Variants in EPHA4 observed in about 807,000 individuals in gnomAD.
The protein encoded by EPHA4 is ephrin type-A receptor 4.
EPHA4 carries 19 observed loss-of-function variants against 108.3 expected under a neutral mutation model. The ratio of observed to expected loss-of-function variants is 0.18; its 90% CI spans 0.12 to 0.26. EPHA4 has a LOEUF of 0.26. EPHA4 is among the 10% of genes least tolerant of loss of function. The pLI is 1.00. For synonymous variants in EPHA4, 449 were observed against 455.5 expected, an observed-to-expected ratio of 0.99 and a Z score of 0.18; for missense variants, 917 against 1,254.0, an observed-to-expected ratio of 0.73 and a Z score of 4.06.
At position 221,419,247 on chromosome 2, in the gene EPHA4, T is replaced by G. The variant is rs1413794495; in HGVS notation, c.*2125A>C. On this transcript the variant is annotated 3_prime_UTR_variant, in exon 18 of 18. Coordinates refer to ENST00000281821, the MANE Select transcript of EPHA4 (RefSeq NM_004438.5). ...AGCTCCGATTCTAGAAGGCTGATGC[T>G]CTTGTGAGGGCAACAGGAGTTAGCT... The G allele has an allele frequency of 6.5e-6, 1 of 152,720 alleles. No homozygotes were observed. Among genetic ancestry groups the G allele is most frequent in the East Asian group, 1.9e-4 (1 of 5,160 alleles). The allele number at this position is 152,720 out of a possible 1,614,324, so 9.5% of individuals were successfully genotyped here.
intron 12 of EPHA4, 29 bp from the exon 13 acceptor site, chr2:221,436,637 T>C (rs3213844): frequency 0.7 from 1,125,844 of 1,603,582 alleles, 401,222 homozygotes; most frequent in Non-Finnish European, 0.73. Context: ...AGGAACAATC[T>C]CATTAGCATT....
rs978657518 is a variant in EPHA4, at chr2:221,489,104, AG to A, written c.980-6415del. Among the ~76,000 whole-genome samples the A allele has an allele frequency of 2.0e-4, 31 of 152,322 alleles. 1 individual carries two copies. Among genetic ancestry groups the A allele is most frequent in the African/African-American group, 6.7e-4 (28 of 41,586 alleles). ...CAGAAATGTCTCCAGTGTGTCTATA[AG>A]TTTGGTATAAACCATTCCATGGAAA... On this transcript the variant is annotated intron_variant, in intron 4 of 17. Coordinates refer to ENST00000281821, the MANE Select transcript of EPHA4 (RefSeq NM_004438.5).
Position 221,425,903 on chromosome 2 carries a change from G to T in EPHA4, c.*125C>A. The T allele has an allele frequency of 3.0e-6, 2 of 677,938 alleles. No individual in the cohort carries two copies. The highest frequency in any genetic ancestry group is 4.9e-6 in the Non-Finnish European group (2 of 408,952). The allele number at this position is 677,938 out of a possible 1,614,324, so 42.0% of individuals were successfully genotyped here. ...TGCACCAAGCAACGCTGCAGATATT[G>T]TTTTTTTTTTTCATTTCTTTAATTT... On this transcript the variant is annotated 3_prime_UTR_variant, in exon 17 of 18. Coordinates refer to ENST00000281821, the MANE Select transcript of EPHA4 (RefSeq NM_004438.5).
chr2:221,433,194 C>T (rs1365458225), intron 14 of EPHA4, among the ~76,000 whole-genome samples: 1 of 152,144 alleles, frequency 6.6e-6, no homozygotes, highest in Non-Finnish European at 1.5e-5. Context: ...CTCTAACTGT[C>T]AAGGCTGTGC....
intron 3 of EPHA4, 45 bp from the exon 4 acceptor site, chr2:221,501,217 A>G: frequency 6.6e-7 from 1 of 1,506,388 alleles, no homozygotes; most frequent in Non-Finnish European, 8.9e-7. Flanking sequence ...ACCACTGCAA[A>G]TAGACCAAAG....
intron 4 of EPHA4, among the ~76,000 whole-genome samples, chr2:221,483,709 A>G (rs1379413171): frequency 1.3e-5 from 2 of 152,136 alleles, no homozygotes; most frequent in Non-Finnish European, 2.9e-5. Context: ...CATGTTGGCC[A>G]GGCCAGTCTT....
chr2:221,432,088 G>A (rs910165458), intron 14 of EPHA4, among the ~76,000 whole-genome samples: 5 of 150,770 alleles, frequency 3.3e-5, no homozygotes, highest in African/African-American at 1.2e-4. Flanking sequence ...CCAGAGAACT[G>A]AAAGTTCAAA....
At chr2:221,475,305 C>T (rs1574594291) in intron 5 of EPHA4, among the ~76,000 whole-genome samples, 1 of 152,142 alleles carries the variant, frequency 6.6e-6, no homozygotes, top group East Asian at 1.9e-4. Flanking sequence ...AATCTGAGTG[C>T]CAATGGGAAA....
chr2:221,543,818 G>C (rs1374936107), intron 3 of EPHA4, among the ~76,000 whole-genome samples: 1 of 152,180 alleles, frequency 6.6e-6, no homozygotes, highest in Admixed American at 6.5e-5. Flanking sequence ...AAAAGTCCTG[G>C]TCACGGGGGT....
intron 5 of EPHA4, among the ~76,000 whole-genome samples, chr2:221,479,433 G>A (rs1691754206): frequency 6.6e-6 from 1 of 152,174 alleles, no homozygotes; most frequent in Admixed American, 6.5e-5. Flanking sequence ...AGCAAAGATG[G>A]AGAACCACTA....
At chr2:221,500,490 C>G (rs1329737422) in intron 4 of EPHA4, among the ~76,000 whole-genome samples, 2 of 152,190 alleles carry the variant, frequency 1.3e-5, no homozygotes, top group Non-Finnish European at 2.9e-5. Flanking sequence ...TTCATTAACC[C>G]AGCATTTATT....
At position 221,563,909 on chromosome 2, in the gene EPHA4, A is replaced by C; in HGVS notation, c.645T>G (p.Pro215=). 1 of 1,614,254 alleles carries C rather than the reference A, an allele frequency of 6.2e-7. No individual in the cohort carries two copies. The change falls in exon 3 of 18, where the codon CCT becomes CCG. Residue 215 remains proline, a synonymous_variant. Transcript: ENST00000281821. Reference sequence around the variant, plus strand: ...ACGTATCAGCCCCTGTGATGGTGTCAGGAAACTGGGCCAGATTGCGGACTG... The same window carrying C: ...ACGTATCAGCCCCTGTGATGGTGTCCGGAAACTGGGCCAGATTGCGGACTG... ...PLTVRNLAQF[P]DTITGADTSS...
Position 221,513,926 on chromosome 2 carries a change from ACTGT to A in EPHA4, c.824-12758_824-12755del, listed in dbSNP as rs369402936. 2.0e-4 allele frequency among the ~76,000 whole-genome samples: 30 copies of A among 152,280 alleles called. No homozygotes were observed. In the East Asian group the frequency reaches 3.3e-3, roughly 17 times the overall value. ...TAAGTGAAATTTATGGAGAATTTGC[ACTGT>A]CTGTTTTTGGTACAGTACAGAGAAG... On this transcript the variant is annotated intron_variant, in intron 3 of 17. Coordinates refer to ENST00000281821, the MANE Select transcript of EPHA4 (RefSeq NM_004438.5).
chr2:221,455,336 G>A (rs1173367418), intron 8 of EPHA4, among the ~76,000 whole-genome samples: 1 of 152,010 alleles, frequency 6.6e-6, no homozygotes, highest in African/African-American at 2.4e-5. Flanking sequence ...ACAATTAGCT[G>A]GGTCCTTCCG....
chr2:221,481,526 C>T (rs1295606388), intron 5 of EPHA4, among the ~76,000 whole-genome samples: 3 of 152,030 alleles, frequency 2.0e-5, no homozygotes, highest in Middle Eastern at 3.4e-3. Flanking sequence ...TGGTGGCACC[C>T]GCCTGTAGTC....
chr2:221,482,299 G>A, intron 5 of EPHA4, 53 bp downstream of exon 5: 1 of 1,399,016 alleles, frequency 7.1e-7, no homozygotes, highest in Admixed American at 2.2e-5. Context: ...ATTATTTTAA[G>A]CCTTTTCTCT....
chr2:221,455,769 C>G (rs984307950), intron 7 of EPHA4, 111 bp from the exon 8 acceptor site: 11 of 734,784 alleles, frequency 1.5e-5, no homozygotes, highest in Non-Finnish European at 2.6e-5. Context: ...GAGAAAGACA[C>G]TTGAACATTT....
chr2:221,462,618 T>A (rs893871452), intron 5 of EPHA4, among the ~76,000 whole-genome samples: 7 of 152,228 alleles, frequency 4.6e-5, no homozygotes, highest in Non-Finnish European at 1.0e-4. Flanking sequence ...ACTTTCCATC[T>A]GCACCTGTTT....
intron 4 of EPHA4, 128 bp downstream of exon 4, chr2:221,500,889 G>A: frequency 9.3e-7 from 1 of 1,072,062 alleles, no homozygotes; most frequent in Non-Finnish European, 1.3e-6. Flanking sequence ...CTATGATTGA[G>A]AAAGGATGAA....
Sources: allele counts gnomAD v4.1 joint callset (sites outside exome capture counted in the v4.1 genomes callset), GRCh38; gene constraint gnomAD v4.1.1; transcripts MANE v1.5; gene names NCBI Gene and HGNC (gene_info 2026-07-23, HGNC 2026-07-21).